Variants in MARK3 observed in about 807,000 individuals in gnomAD.
MARK3 encodes microtubule affinity regulating kinase 3.
Under a neutral mutation model 90.1 loss-of-function variants are expected in MARK3, and 46 were observed. That is an observed-to-expected ratio of 0.51 (90% CI 0.40 to 0.65). The LOEUF is 0.65. Ranked by LOEUF, MARK3 falls within the 30% of genes least tolerant of loss-of-function variation. The pLI is 0.00. For missense variants in MARK3, 818 were observed against 947.2 expected (o/e 0.86, Z 1.79); for synonymous variants, 321 against 332.6 (o/e 0.97, Z 0.38).
At chr14:103,460,116 C>T (rs1400510824) in intron 6 of MARK3, among the ~76,000 whole-genome samples, 50 of 66,814 alleles carry the variant, frequency 7.5e-4, no homozygotes, top group African/African-American at 2.5e-3. Context: ...AGACAAATCT[C>T]GCTTTGTCGC....
intron 14 of MARK3, among the ~76,000 whole-genome samples, chr14:103,484,614 T>C (rs1471856906): frequency 3.9e-5 from 6 of 152,260 alleles, no homozygotes; most frequent in African/African-American, 1.4e-4. Flanking sequence ...ACTTAGCGTA[T>C]GTATCTTTGG....
At chr14:103,476,876 A>G (rs984325799) in intron 13 of MARK3, among the ~76,000 whole-genome samples, 3 of 152,216 alleles carry the variant, frequency 2.0e-5, no homozygotes, top group East Asian at 3.8e-4. Context: ...CAAATGCCAT[A>G]CAGTAGGATT....
intron 3 of MARK3, among the ~76,000 whole-genome samples, chr14:103,431,287 T>C (rs1440268013): frequency 6.6e-6 from 1 of 151,980 alleles, no homozygotes; most frequent in Non-Finnish European, 1.5e-5. Flanking sequence ...AGATGGGGGA[T>C]TTGCCATGTT....
intron 13 of MARK3, among the ~76,000 whole-genome samples, chr14:103,478,285 G>C (rs1196469936): frequency 7.2e-6 from 1 of 139,574 alleles, no homozygotes; most frequent in African/African-American, 2.6e-5. Context: ...AAAAAGCGAG[G>C]CTCCATCTCA....
intron 14 of MARK3, among the ~76,000 whole-genome samples, chr14:103,484,134 G>A (rs554631908): frequency 5.9e-4 from 90 of 151,262 alleles, no homozygotes; most frequent in Non-Finnish European, 1.2e-3. Flanking sequence ...TGACGTGCTG[G>A]TGTTACAGTA....
chr14:103,390,143 G>A (rs914230424), intron 1 of MARK3, among the ~76,000 whole-genome samples: 2 of 151,900 alleles, frequency 1.3e-5, no homozygotes, highest in Non-Finnish European at 2.9e-5. Flanking sequence ...AGCTACTCGG[G>A]AGGCTGAGGC....
chr14:103,432,475 G>A (rs1026125997), intron 3 of MARK3, among the ~76,000 whole-genome samples: 3 of 151,964 alleles, frequency 2.0e-5, no homozygotes, highest in Admixed American at 1.3e-4. Flanking sequence ...GTAAAATAGG[G>A]CAACACTACA....
intron 1 of MARK3, among the ~76,000 whole-genome samples, chr14:103,404,855 T>C (rs2091182581): frequency 6.6e-6 from 1 of 152,216 alleles, no homozygotes; most frequent in African/African-American, 2.4e-5. Context: ...ATATCTAATT[T>C]CTTCCTGAAC....
intron 15 of MARK3, among the ~76,000 whole-genome samples, chr14:103,495,090 ACACT>A (rs2075267045): frequency 6.6e-6 from 1 of 152,234 alleles, no homozygotes; most frequent in African/African-American, 2.4e-5. Context: ...GTGTGCACAC[ACACT>A]CATTTAATTT....
intron 1 of MARK3, among the ~76,000 whole-genome samples, chr14:103,399,366 A>G (rs1259558176): frequency 6.6e-6 from 1 of 152,166 alleles, no homozygotes; most frequent in Non-Finnish European, 1.5e-5. Flanking sequence ...TGAACGTCAC[A>G]AAGACCTAAC....
rs140066804 is a variant in MARK3 at position 103,420,739 on chromosome 14, C to T, written c.244-7648C>T. 1.2e-4 allele frequency among the ~76,000 whole-genome samples: 19 copies of T among 152,212 alleles called. No homozygotes were observed. In the East Asian group the frequency reaches 3.7e-3, roughly 29 times the overall value. The stretch of plus-strand genomic sequence containing the variant: ...CCTGTTCGAAAAAATTTATTTGTAA[C>T]ACCCAAATCAGTACAGCGCTTTGGT... On this transcript the variant is annotated intron_variant, in intron 2 of 17. Coordinates refer to ENST00000429436, the MANE Select transcript of MARK3 (RefSeq NM_001128918.3).
intron 6 of MARK3, 66 bp downstream of exon 6, chr14:103,457,278 C>T: frequency 8.2e-7 from 1 of 1,221,996 alleles, no homozygotes; most frequent in South Asian, 1.3e-5. Flanking sequence ...CTGAAGCAAA[C>T]AAGTGTTTGC....
At chr14:103,495,060 ATATT>A (rs1338831958) in intron 15 of MARK3, among the ~76,000 whole-genome samples, 6 of 152,376 alleles carry the variant, frequency 3.9e-5, no homozygotes, top group Non-Finnish European at 8.8e-5. Context: ...TGAAATGAGT[ATATT>A]TATACACATG....
intron 15 of MARK3, among the ~76,000 whole-genome samples, chr14:103,497,945 A>G (rs2075435159): frequency 6.6e-6 from 1 of 152,188 alleles, no homozygotes; most frequent in South Asian, 2.1e-4. Flanking sequence ...TGGCCATTGC[A>G]GTGGCTCATG....
chr14:103,485,008 A>G (rs1453453952), intron 14 of MARK3, among the ~76,000 whole-genome samples: 2 of 147,860 alleles, frequency 1.4e-5, no homozygotes, highest in Non-Finnish European at 3.0e-5. Context: ...ACCTGAGGTC[A>G]GGAGTTTGAG....
intron 6 of MARK3, among the ~76,000 whole-genome samples, chr14:103,461,381 A>C (rs190316293): frequency 7.2e-4 from 109 of 152,280 alleles, no homozygotes; most frequent in African/African-American, 2.5e-3. Flanking sequence ...TTTTTAAGTG[A>C]CCGTAAGTGT....
chr14:103,477,357 T>G (rs537640489), intron 13 of MARK3, among the ~76,000 whole-genome samples: 52 of 152,202 alleles, frequency 3.4e-4, no homozygotes, highest in Non-Finnish European at 7.2e-4. Flanking sequence ...CCGGGTATAG[T>G]GGCGTGCTCC....
Position 103,502,915 on chromosome 14 carries a change from C to G in MARK3, c.1950C>G (p.Asn650Lys). 3.1e-6 allele frequency: 5 copies of G among 1,612,818 alleles called. No individual in the cohort carries two copies. The highest frequency in any genetic ancestry group is 1.1e-5 in the South Asian group (1 of 91,054). ...TATCTGCTGAGCAAAAAGATGAAAA[C>G]AAAGAAGCAAAGCCTCGATCCCTAC... ...RNVSAEQKDE[N>K]KEAKPRSLRF... Residue 650 changes from asparagine to lysine, a missense_variant, in exon 18 of 18, where the codon AAC (asparagine) becomes AAG (lysine). Physicochemically the swap from Asn to Lys is moderately conservative, Grantham distance 94 (BLOSUM62 0). Around this residue, in one of 3 missense-constraint regions of MARK3, gnomAD observed 560 missense variants for 613.5 expected, o/e 0.91. Coordinates refer to ENST00000429436, the MANE Select transcript of MARK3 (RefSeq NM_001128918.3).
chr14:103,487,633 C>G (rs555141188), intron 14 of MARK3, among the ~76,000 whole-genome samples: 12 of 152,284 alleles, frequency 7.9e-5, no homozygotes, highest in African/African-American at 1.7e-4. Context: ...TCTACTGATA[C>G]TAGCTCCTAA....
Sources: allele counts gnomAD v4.1 joint callset (sites outside exome capture counted in the v4.1 genomes callset), GRCh38; gene constraint gnomAD v4.1.1; regional missense constraint gnomAD v4.1.1; transcripts MANE v1.5; gene names NCBI Gene and HGNC (gene_info 2026-07-23, HGNC 2026-07-21).